The following ABCA13 variants were observed in gnomAD, a reference collection of about 807,000 sequenced individuals.
ABCA13 encodes the protein ATP binding cassette subfamily A member 13.
A neutral mutation model predicts 478.7 loss-of-function variants in ABCA13; 476 were observed. The observed-to-expected ratio is 0.99, with a 90% CI of 0.92 to 1.07. ABCA13 has a LOEUF of 1.07. Among genes scored for constraint, ABCA13 ranks in the 50% least tolerant of loss-of-function variants. The probability of loss-of-function intolerance (pLI) is 0.00; values close to 1 mark genes in which losing one functional copy is unlikely to be tolerated. For missense variants in ABCA13, 6,060 were observed against 5,910.6 expected, an observed-to-expected ratio of 1.03 and a Z score of -0.83; for synonymous variants, 2,252 against 2,158.9, an observed-to-expected ratio of 1.04 and a Z score of -1.20.
chr7:48,310,100 T>C lies in ABCA13; in HGVS notation c.9475T>C (p.Leu3159=), dbSNP rs1203075372. ...PGSKVYSLIV[L]LSRNLDVRAF... is the part of the protein sequence containing the mutation. Reference sequence around the variant, plus strand: ...GTCAAAAGTGTATTCTCTGATTGTGTTGCTGAGTCGAAACTTGGATGTGCG... The same window carrying C: ...GTCAAAAGTGTATTCTCTGATTGTGCTGCTGAGTCGAAACTTGGATGTGCG... The change falls in exon 24 of 62, where the codon TTG becomes CTG. Residue 3159 remains leucine (L), a synonymous_variant. Transcript: ENST00000435803. 8 of 1,613,532 alleles carry C rather than the reference T, an allele frequency of 5.0e-6. No individual in the cohort carries two copies. Among genetic ancestry groups the C allele is most frequent in the Non-Finnish European group, 6.8e-6 (8 of 1,179,512 alleles).
rs1046964591 is a variant in ABCA13 at position 48,556,545 on chromosome 7, C to T, written c.14355-23679C>T. The stretch of plus-strand genomic sequence containing the variant: ...CTTCTTGCTGAATTGACCCTTTTAT[C>T]GTGATGTAATGACCTTCTTTGTCTC... On this transcript the variant is annotated intron_variant, in intron 55 of 61. Coordinates refer to ENST00000435803, the MANE Select transcript of ABCA13 (RefSeq NM_152701.5). 2.6e-5 allele frequency among the ~76,000 whole-genome samples: 4 copies of T among 151,868 alleles called. No individual in the cohort carries two copies. In the South Asian group the frequency reaches 8.3e-4, roughly 31 times the overall value.
At chr7:48,295,989 A>G (rs1043836434) in intron 21 of ABCA13, 126 bp downstream of exon 21, 12 of 1,169,088 alleles carry the variant, frequency 1.0e-5, no homozygotes, top group East Asian at 2.7e-5. Flanking sequence ...GCATATTAAT[A>G]TATATTTTCC....
chr7:48,588,051 C>CT (rs1048003752), intron 57 of ABCA13, among the ~76,000 whole-genome samples: 5 of 152,082 alleles, frequency 3.3e-5, no homozygotes, highest in African/African-American at 1.2e-4. Flanking sequence ...AAACAGATTC[C>CT]TTTTTTTCTA....
chr7:48,235,360 A>G (rs1462698215), intron 8 of ABCA13, among the ~76,000 whole-genome samples: 2 of 152,178 alleles, frequency 1.3e-5, no homozygotes, highest in Non-Finnish European at 2.9e-5. Flanking sequence ...TTTTCTCATT[A>G]TATTATAGTT....
chr7:48,625,833 T>C (rs1472892523), intron 59 of ABCA13, among the ~76,000 whole-genome samples: 1 of 152,174 alleles, frequency 6.6e-6, no homozygotes, highest in Admixed American at 6.5e-5. Context: ...ACAATGAAGA[T>C]GGAAAATAGA....
intron 57 of ABCA13, among the ~76,000 whole-genome samples, chr7:48,593,110 T>C (rs956389994): frequency 6.6e-6 from 1 of 152,076 alleles, no homozygotes; most frequent in Non-Finnish European, 1.5e-5. Context: ...GACATTTTGT[T>C]AATTGTTTTC....
At chr7:48,209,610 AATTT>A (rs1039987406) in intron 3 of ABCA13, among the ~76,000 whole-genome samples, 30 of 152,174 alleles carry the variant, frequency 2.0e-4, no homozygotes, top group African/African-American at 6.7e-4. Context: ...TGTATCTAGG[AATTT>A]ATTTATTTCT....
intron 59 of ABCA13, among the ~76,000 whole-genome samples, chr7:48,618,356 C>T (rs898640907): frequency 1.3e-5 from 2 of 152,210 alleles, no homozygotes; most frequent in South Asian, 2.1e-4. Flanking sequence ...ATCCCATTCC[C>T]ATGCTCCTAA....
intron 29 of ABCA13, among the ~76,000 whole-genome samples, chr7:48,341,004 A>C (rs770490791): frequency 1.3e-5 from 2 of 152,160 alleles, no homozygotes; most frequent in Non-Finnish European, 2.9e-5. Flanking sequence ...TCTTGTTCTG[A>C]AAGATGCAGA....
intron 58 of ABCA13, among the ~76,000 whole-genome samples, chr7:48,597,826 G>A (rs1360734839): frequency 6.6e-6 from 1 of 152,128 alleles, no homozygotes; most frequent in African/African-American, 2.4e-5. Flanking sequence ...CTGAAAAATT[G>A]AGAGGAAGGT....
intron 55 of ABCA13, among the ~76,000 whole-genome samples, chr7:48,566,218 C>T (rs1241548442): frequency 6.6e-6 from 1 of 151,898 alleles, no homozygotes; most frequent in Non-Finnish European, 1.5e-5. Context: ...ATTTAATTTC[C>T]AAAATTTCTT....
intron 15 of ABCA13, among the ~76,000 whole-genome samples, chr7:48,267,335 C>G (rs1795000198): frequency 6.6e-6 from 1 of 151,942 alleles, no homozygotes; most frequent in Non-Finnish European, 1.5e-5. Context: ...TGTTGTGAAG[C>G]TCTGTTGTAA....
intron 48 of ABCA13, among the ~76,000 whole-genome samples, chr7:48,495,530 A>G (rs955610329): frequency 6.6e-6 from 1 of 152,284 alleles, no homozygotes; most frequent in Admixed American, 6.5e-5. Flanking sequence ...AATGTACATT[A>G]TATGTCAATT....
chr7:48,536,711 T>A (rs1051080615), intron 55 of ABCA13, among the ~76,000 whole-genome samples: 1 of 152,092 alleles, frequency 6.6e-6, no homozygotes, highest in Non-Finnish European at 1.5e-5. Flanking sequence ...GTTCTTTTCC[T>A]TTTGACAAAT....
At chr7:48,419,655 C>A (rs35457699) in intron 41 of ABCA13, among the ~76,000 whole-genome samples, 7,033 of 152,246 alleles carry the variant, frequency 0.046, 186 homozygotes, top group South Asian at 0.091. Context: ...ACAAGTTGTT[C>A]AATTACTTTG....
intron 27 of ABCA13, among the ~76,000 whole-genome samples, chr7:48,325,084 T>C (rs1432473075): frequency 6.6e-6 from 1 of 152,220 alleles, no homozygotes; most frequent in Non-Finnish European, 1.5e-5. Flanking sequence ...TAGTTTGCTC[T>C]CAAGTTACTG....
intron 48 of ABCA13, among the ~76,000 whole-genome samples, chr7:48,498,340 G>C (rs1312342781): frequency 6.6e-6 from 1 of 152,090 alleles, no homozygotes; most frequent in Non-Finnish European, 1.5e-5. Flanking sequence ...ATTTGTACTT[G>C]TTGAGTTTCA....
At chr7:48,411,455 A>G (rs1819223467) in intron 40 of ABCA13, among the ~76,000 whole-genome samples, 1 of 151,896 alleles carries the variant, frequency 6.6e-6, no homozygotes, top group Middle Eastern at 3.4e-3. Flanking sequence ...CTACAGACAC[A>G]TGCCACCAGG....
intron 44 of ABCA13, among the ~76,000 whole-genome samples, chr7:48,467,878 T>C (rs1827054282): frequency 6.6e-6 from 1 of 152,230 alleles, no homozygotes; most frequent in South Asian, 2.1e-4. Flanking sequence ...AGTGTGAGAC[T>C]GAAAAACTAT....
Sources: gnomAD v4.1 joint callset for allele counts (sites outside exome capture counted in the v4.1 genomes callset) on GRCh38, gnomAD v4.1.1 for gene constraint, MANE v1.5 for transcripts, NCBI Gene and HGNC (gene_info 2026-07-23, HGNC 2026-07-21) for gene names.